Variants in SMG5 observed in about 807,000 individuals in gnomAD.
SMG5 encodes the protein SMG5 nonsense mediated mRNA decay factor.
Under a neutral mutation model 122.9 loss-of-function variants are expected in SMG5, and 53 were observed. That is an observed-to-expected ratio of 0.43 (90% CI 0.35 to 0.54). The LOEUF is 0.54. Among genes scored for constraint, SMG5 ranks in the 20% least tolerant of loss-of-function variants. The pLI is 0.01. For missense variants in SMG5, 1,153 were observed against 1,285.6 expected, an observed-to-expected ratio of 0.90 and a Z score of 1.58; for synonymous variants, 477 against 490.2, an observed-to-expected ratio of 0.97 and a Z score of 0.35.
intron 6 of SMG5, 124 bp from the exon 7 acceptor site, chr1:156,272,522 T>C (rs1662482769): frequency 1.4e-6 from 1 of 710,702 alleles, no homozygotes; most frequent in Non-Finnish European, 2.5e-6. Flanking sequence ...GCAACACTGG[T>C]TGTCTCAGGT....
At position 156,268,195 on chromosome 1, in the gene SMG5, A is replaced by C. The variant is rs763801551; in HGVS notation, c.840-12T>G. 6.2e-7 allele frequency: 1 copy of C among 1,614,192 alleles called. No individual in the cohort carries two copies. Among genetic ancestry groups the C allele is most frequent in the Admixed American group, 1.7e-5 (1 of 60,022 alleles). On this transcript the variant is annotated splice_polypyrimidine_tract_variant and intron_variant, in intron 8 of 21. Coordinates refer to ENST00000361813, the MANE Select transcript of SMG5 (RefSeq NM_015327.3). ...TAATGTCTTTACATCTGAAATGAGAAGAGCCCAAAGTAAATGCTGAATGGT... is the reference window on the plus strand; with the variant it reads ...TAATGTCTTTACATCTGAAATGAGACGAGCCCAAAGTAAATGCTGAATGGT...
chr1:156,273,507 C>T (rs1662534298), intron 5 of SMG5, 57 bp from the exon 6 acceptor site: 2 of 1,514,428 alleles, frequency 1.3e-6, no homozygotes. Flanking sequence ...AGAAAACCCT[C>T]CCCCACATCT....
At chr1:156,270,891 T>C (rs1250465515) in intron 7 of SMG5, among the ~76,000 whole-genome samples, 2 of 151,712 alleles carry the variant, frequency 1.3e-5, no homozygotes, top group East Asian at 3.9e-4. Flanking sequence ...TCTGTAATCC[T>C]AGCTACTCGA....
intron 7 of SMG5, among the ~76,000 whole-genome samples, chr1:156,271,712 C>T (rs1490222938): frequency 2.8e-5 from 3 of 108,546 alleles, no homozygotes; most frequent in African/African-American, 9.5e-5. Flanking sequence ...CCTGCCTAAG[C>T]CTCCCAAGTA....
chr1:156,272,762 G>A (rs1662492854), intron 6 of SMG5, among the ~76,000 whole-genome samples: 1 of 152,026 alleles, frequency 6.6e-6, no homozygotes, highest in Non-Finnish European at 1.5e-5. Context: ...ATTTTTAGTA[G>A]AGACGAGGTT....
In SMG5 at chr1:156,267,638, G is replaced by A. The variant is rs983499530; in HGVS notation, c.949C>T (p.Leu317=). The A allele has an allele frequency of 6.2e-7, 1 of 1,612,662 alleles. No individual in the cohort carries two copies. The highest frequency in any genetic ancestry group is 1.3e-5 in the African/African-American group (1 of 74,984). The stretch of plus-strand genomic sequence containing the variant: ...AAGAGGCAGAGGTTGAAGTCCTCCA[G>A]GACTGACTGGCAAAGTGAGGTCAGC... The part of the protein sequence containing the change: ...SELTSLCQSV[L]EDFNLCLFYL... The change falls in exon 10 of 22, where the codon CTG becomes TTG. Residue 317 remains leucine (L), a synonymous_variant. Coordinates refer to ENST00000361813, the MANE Select transcript of SMG5 (RefSeq NM_015327.3).
intron 14 of SMG5, 52 bp from the exon 15 acceptor site, chr1:156,260,678 C>A: frequency 7.0e-7 from 1 of 1,430,408 alleles, no homozygotes; most frequent in South Asian, 1.6e-5. Context: ...AACTCCCAGT[C>A]AGAGAGACAT....
At chr1:156,279,252 G>A (rs1314363007) in intron 1 of SMG5, among the ~76,000 whole-genome samples, 1 of 140,234 alleles carries the variant, frequency 7.1e-6, no homozygotes, top group Non-Finnish European at 1.5e-5. Flanking sequence ...GGGGACATTT[G>A]GCAATGGTAG....
chr1:156,285,336 G>A, upstream of SMG5: 1 of 1,573,404 alleles, frequency 6.4e-7, no homozygotes, highest in South Asian at 1.2e-5. Flanking sequence ...GAAGGGGAAG[G>A]TGGGGCCGAA....
intron 10 of SMG5, 92 bp from the exon 11 acceptor site, chr1:156,266,770 C>A (rs1026932147): frequency 2.2e-6 from 3 of 1,341,328 alleles, no homozygotes; most frequent in Admixed American, 2.4e-5. Flanking sequence ...GTTCTCAACT[C>A]TTCCAAGGAT....
chr1:156,253,182 A>C, intron 17 of SMG5, 104 bp from the exon 18 acceptor site: 1 of 1,312,042 alleles, frequency 7.6e-7, no homozygotes, highest in Non-Finnish European at 1.0e-6. Flanking sequence ...TCCTGTTGTT[A>C]AGGGGATCAG....
At chr1:156,285,061 TA>T, upstream of SMG5, 2 of 705,626 alleles carry the variant, frequency 2.8e-6, no homozygotes, top group African/African-American at 1.8e-5. Context: ...ACGTTCTCCC[TA>T]AGGCTCCAGA....
intron 16 of SMG5, among the ~76,000 whole-genome samples, chr1:156,254,817 C>CG (rs1367229466): frequency 6.6e-6 from 1 of 151,974 alleles, no homozygotes; most frequent in Non-Finnish European, 1.5e-5. Context: ...TGGCCAGGCA[C>CG]GGTGGCTCAC....
At chr1:156,270,461 C>T (rs1185409437) in intron 7 of SMG5, among the ~76,000 whole-genome samples, 2 of 152,210 alleles carry the variant, frequency 1.3e-5, no homozygotes, top group Non-Finnish European at 2.9e-5. Flanking sequence ...CAGCTGAATA[C>T]CAATGACTAA....
chr1:156,264,441 G>C (rs1450202808), intron 12 of SMG5, among the ~76,000 whole-genome samples: 2 of 152,054 alleles, frequency 1.3e-5, no homozygotes, highest in Non-Finnish European at 2.9e-5. Context: ...ACTGTGTTAG[G>C]TACTAGGGAT....
chr1:156,251,840 G>A (rs1473705242), intron 19 of SMG5, among the ~76,000 whole-genome samples: 1 of 152,148 alleles, frequency 6.6e-6, no homozygotes, highest in Non-Finnish European at 1.5e-5. Flanking sequence ...CAGGGAGAGG[G>A]AAGCTTTCTC....
In SMG5 at chr1:156,265,861, A is replaced by C; in HGVS notation, c.1775T>G (p.Leu592Arg). The change falls in exon 12 of 22, where the codon CTC (leucine) becomes CGC (arginine). Residue 592 changes from leucine to arginine, a missense_variant. By Grantham distance (102) the Leu-to-Arg change is moderately radical (BLOSUM62 -2). Coordinates refer to ENST00000361813, the MANE Select transcript of SMG5 (RefSeq NM_015327.3). ...GGTATGAGGGTTGGTGGTGGGCTGG[A>C]GGAGCAGGTTGCTAAAGGTGGGGGC... ...RLAPTFSNLL[L>R]QPTTNPHTSA... The C allele has an allele frequency of 1.2e-6, 2 of 1,614,162 alleles. No individual in the cohort carries two copies. Among genetic ancestry groups the C allele is most frequent in the Non-Finnish European group, 1.7e-6 (2 of 1,180,018 alleles).
Position 156,250,072 on chromosome 1 carries a change from G to T in SMG5, c.*515C>A. The stretch of plus-strand genomic sequence containing the variant: ...TCCAGAGCTGCCTGGTCCCCATAAA[G>T]GGGGCTGAAAGGAGGATGGGTGATC... On this transcript the variant is annotated 3_prime_UTR_variant, in exon 22 of 22. Coordinates refer to ENST00000361813, the MANE Select transcript of SMG5 (RefSeq NM_015327.3). The T allele has an allele frequency of 5.1e-6, 2 of 395,736 alleles. No homozygotes were observed. The highest frequency in any genetic ancestry group is 1.0e-5 in the Non-Finnish European group (2 of 190,994). The allele number at this position is 395,736 out of a possible 1,614,324, so 24.5% of individuals were successfully genotyped here.
intron 1 of SMG5, among the ~76,000 whole-genome samples, chr1:156,281,022 C>T (rs1443874517): frequency 6.6e-6 from 1 of 152,082 alleles, no homozygotes; most frequent in Non-Finnish European, 1.5e-5. Context: ...TGAGAGTTCC[C>T]CAAATTTCTG....
Sources: allele counts gnomAD v4.1 joint callset (sites outside exome capture counted in the v4.1 genomes callset), GRCh38; gene constraint gnomAD v4.1.1; transcripts MANE v1.5; gene names NCBI Gene and HGNC (gene_info 2026-07-23, HGNC 2026-07-21).